The following ABCG2 variants were observed in gnomAD, a reference collection of about 807,000 sequenced individuals.
ABCG2 encodes the protein broad substrate specificity ATP-binding cassette transporter ABCG2.
ABCG2 carries 80 observed loss-of-function variants against 73.5 expected under a neutral mutation model. The observed-to-expected ratio is 1.09, with a 90% CI of 0.91 to 1.31. The LOEUF (loss-of-function observed/expected upper bound fraction) is 1.31. ABCG2 is among the 50% of genes most tolerant of loss of function. The pLI, the probability that ABCG2 is intolerant of heterozygous loss-of-function variation, is 0.00. For missense variants in ABCG2, 796 were observed against 786.2 expected (o/e 1.01, Z -0.15); for synonymous variants, 269 against 282.4 (o/e 0.95, Z 0.48).
intron 1 of ABCG2, among the ~76,000 whole-genome samples, chr4:88,144,151 A>G (rs1427072662): frequency 1.3e-5 from 2 of 152,148 alleles, no homozygotes; most frequent in Non-Finnish European, 2.9e-5. Context: ...TTATTTGCAG[A>G]TTACCTGCTA....
chr4:88,160,417 G>C (rs1291697583), upstream of ABCG2, among the ~76,000 whole-genome samples: 1 of 152,052 alleles, frequency 6.6e-6, no homozygotes, highest in Admixed American at 6.6e-5. Context: ...TTTCCAGCAA[G>C]ATCTGAAGGC....
intron 1 of ABCG2, among the ~76,000 whole-genome samples, chr4:88,213,982 C>CTTTTTTTT (rs33984842): frequency 8.4e-5 from 5 of 59,624 alleles, no homozygotes; most frequent in Non-Finnish European, 1.5e-4. Flanking sequence ...CACGCCCGGC[C>CTTTTTTTT]TTTTTTTTTT....
intron 9 of ABCG2, among the ~76,000 whole-genome samples, chr4:88,110,629 T>G (rs1232119128): frequency 6.6e-6 from 1 of 152,186 alleles, no homozygotes; most frequent in Non-Finnish European, 1.5e-5. Context: ...TCTCCCAAAG[T>G]GCTGGGGTTA....
chr4:88,195,171 C>T (rs991508263), intron 1 of ABCG2, among the ~76,000 whole-genome samples: 4 of 152,092 alleles, frequency 2.6e-5, no homozygotes, highest in Non-Finnish European at 5.9e-5. Context: ...GAGTTCAAGG[C>T]TGCAGTGAGC....
At position 88,149,305 on chromosome 4, in the gene ABCG2, C is replaced by T. The variant is rs190918623; in HGVS notation, c.-20+9081G>A. On this transcript the variant is annotated intron_variant, in intron 1 of 15. Coordinates refer to ENST00000237612, the MANE Select transcript of ABCG2 (RefSeq NM_004827.3). ...AAGCCAAAACTTCAGTCTAGAAAAT[C>T]GTCAAATCATAAATGAAATTAGACC... Among the ~76,000 whole-genome samples, 45 of 152,276 alleles carry T rather than the reference C, an allele frequency of 3.0e-4. No homozygotes were observed. The East Asian group carries it at 3.5e-3, about 12-fold the overall frequency.
At chr4:88,125,348 C>T (rs1724319492) in intron 5 of ABCG2, among the ~76,000 whole-genome samples, 1 of 149,558 alleles carries the variant, frequency 6.7e-6, no homozygotes, top group Non-Finnish European at 1.5e-5. Flanking sequence ...GTGGCTCATG[C>T]CTGTAATCCC....
chr4:88,211,363 A>ACCCCCCCCCC (rs34198736), intron 1 of ABCG2, among the ~76,000 whole-genome samples: 1 of 47,528 alleles, frequency 2.1e-5, no homozygotes, highest in African/African-American at 7.6e-5. Flanking sequence ...CCCCTGCCCC[A>ACCCCCCCCCC]CCCCCCCCCA....
At chr4:88,215,088 T>A (rs1174922176) in intron 1 of ABCG2, among the ~76,000 whole-genome samples, 2 of 152,186 alleles carry the variant, frequency 1.3e-5, no homozygotes, top group East Asian at 3.9e-4. Flanking sequence ...TGAGACAGTC[T>A]TAAAAAAATT....
intron 1 of ABCG2, among the ~76,000 whole-genome samples, chr4:88,217,297 C>A (rs753693694): frequency 2.6e-5 from 4 of 152,156 alleles, no homozygotes; most frequent in Non-Finnish European, 5.9e-5. Flanking sequence ...GGATACCCTG[C>A]AAGGTTGGGA....
chr4:88,156,203 G>A (rs909162697), intron 1 of ABCG2, among the ~76,000 whole-genome samples: 1 of 151,564 alleles, frequency 6.6e-6, no homozygotes, highest in African/African-American at 2.4e-5. Context: ...GGAAAACCCC[G>A]TCTCTACTAA....
intron 9 of ABCG2, among the ~76,000 whole-genome samples, chr4:88,109,354 T>A (rs996541819): frequency 6.6e-6 from 1 of 152,220 alleles, no homozygotes; most frequent in African/African-American, 2.4e-5. Flanking sequence ...TCAAACTTGT[T>A]ATCTTATACT....
intron 9 of ABCG2, among the ~76,000 whole-genome samples, chr4:88,112,890 G>A (rs550070285): frequency 2.8e-4 from 42 of 152,178 alleles, no homozygotes; most frequent in African/African-American, 9.4e-4. Context: ...CAGGAGAATC[G>A]CTTGAACCCA....
chr4:88,220,531 T>A (rs572277267), intron 1 of ABCG2: 100 of 152,772 alleles, frequency 6.5e-4, no homozygotes, highest in African/African-American at 2.3e-3. Context: ...AATGTGTTTA[T>A]TGGGGTGGCT....
chr4:88,106,035 T>C (rs1431130831), intron 10 of ABCG2, among the ~76,000 whole-genome samples: 2 of 152,230 alleles, frequency 1.3e-5, no homozygotes, highest in East Asian at 1.9e-4. Flanking sequence ...GAAGACGGTA[T>C]AGTAGTTCCT....
rs559022507 is a variant in ABCG2, at chr4:88,174,002, T to C, written c.-19-33988A>G. 3.9e-5 allele frequency among the ~76,000 whole-genome samples: 6 copies of C among 152,334 alleles called. 1 individual carries two copies. The South Asian group carries it at 1.0e-3, about 26-fold the overall frequency. ...CTTATTTCCCCCTTACAGTTTGTTA[T>C]GGACAGCAGTGTGTCCTTGAGAAAT... On this transcript the variant is annotated intron_variant, in intron 1 of 15. Transcript: ENST00000515655.
At chr4:88,208,601 CT>C (rs1176392408) in intron 1 of ABCG2, among the ~76,000 whole-genome samples, 1 of 152,190 alleles carries the variant, frequency 6.6e-6, no homozygotes, top group Non-Finnish European at 1.5e-5. Flanking sequence ...TGTGAAGCAA[CT>C]TCCAGATGCT....
At chr4:88,133,876 C>T (rs1725068395) in intron 2 of ABCG2, among the ~76,000 whole-genome samples, 2 of 151,806 alleles carry the variant, frequency 1.3e-5, no homozygotes, top group Admixed American at 6.6e-5. Context: ...TGGGTGCCTG[C>T]AATCCCAGCT....
intron 1 of ABCG2, among the ~76,000 whole-genome samples, chr4:88,188,353 C>T (rs1728550901): frequency 6.6e-6 from 1 of 151,788 alleles, no homozygotes; most frequent in South Asian, 2.1e-4. Context: ...GTCTCTATGC[C>T]CATACGACAC....
chr4:88,131,304 G>T, intron 4 of ABCG2, 91 bp from the exon 5 acceptor site: 1 of 1,346,324 alleles, frequency 7.4e-7, no homozygotes, highest in Non-Finnish European at 1.0e-6. Context: ...AATCCACAAA[G>T]ATAACATAAC....
Sources: gnomAD v4.1 joint callset for allele counts (sites outside exome capture counted in the v4.1 genomes callset) on GRCh38, gnomAD v4.1.1 for gene constraint, MANE v1.5 for transcripts, NCBI Gene and HGNC (gene_info 2026-07-23, HGNC 2026-07-21) for gene names.